Variants in ME1 observed in about 807,000 individuals in gnomAD.
ME1 encodes NADP-dependent malic enzyme.
Under a neutral mutation model 66.4 loss-of-function variants are expected in ME1, and 74 were observed. That is an observed-to-expected ratio of 1.11 (90% CI 0.92 to 1.35). ME1 has a LOEUF of 1.35. Ranked by LOEUF, ME1 falls within the 40% of genes most tolerant of loss-of-function variation. ME1 has a pLI of 0.00. For synonymous variants in ME1, 251 were observed against 235.6 expected, an observed-to-expected ratio of 1.07 and a Z score of -0.60; for missense variants, 750 against 694.1, an observed-to-expected ratio of 1.08 and a Z score of -0.90.
chr6:83,367,946 T>G (rs1769129311), intron 3 of ME1, among the ~76,000 whole-genome samples: 1 of 152,188 alleles, frequency 6.6e-6, no homozygotes, highest in Admixed American at 6.5e-5. Flanking sequence ...GCTTAATCAT[T>G]TCCAGATTTT....
chr6:83,390,873 T>C (rs1214858915), intron 3 of ME1, among the ~76,000 whole-genome samples: 1 of 138,696 alleles, frequency 7.2e-6, no homozygotes, highest in Non-Finnish European at 1.6e-5. Context: ...TCTCTCTCTA[T>C]ATATATACAT....
intron 6 of ME1, among the ~76,000 whole-genome samples, chr6:83,265,154 G>GATAT (rs745691807): frequency 2.6e-5 from 4 of 152,178 alleles, no homozygotes; most frequent in Admixed American, 1.3e-4. Flanking sequence ...AAAAGATTAT[G>GATAT]ACTCTCTGAA....
chr6:83,426,649 G>A (rs1770375370), intron 1 of ME1, among the ~76,000 whole-genome samples: 1 of 152,158 alleles, frequency 6.6e-6, no homozygotes, highest in Non-Finnish European at 1.5e-5. Flanking sequence ...ACTAGGTCTT[G>A]TCATGCCAGG....
At chr6:83,248,290 C>A (rs917901221) in intron 7 of ME1, among the ~76,000 whole-genome samples, 1 of 152,112 alleles carries the variant, frequency 6.6e-6, no homozygotes, top group Non-Finnish European at 1.5e-5. Context: ...TTACATCAGA[C>A]CCACAAAATC....
At chr6:83,308,356 G>T (rs943864530) in intron 6 of ME1, among the ~76,000 whole-genome samples, 1 of 151,374 alleles carries the variant, frequency 6.6e-6, no homozygotes, top group Non-Finnish European at 1.5e-5. Flanking sequence ...CTTACTTGAG[G>T]TAAAGCTTTT....
intron 3 of ME1, among the ~76,000 whole-genome samples, chr6:83,356,668 G>A (rs552840720): frequency 6.6e-6 from 1 of 152,258 alleles, no homozygotes; most frequent in Admixed American, 6.5e-5. Context: ...GGGAAAAAAT[G>A]TTAAGAAAGC....
intron 4 of ME1, among the ~76,000 whole-genome samples, chr6:83,349,285 G>A (rs1207343067): frequency 6.6e-6 from 1 of 152,058 alleles, no homozygotes; most frequent in African/African-American, 2.4e-5. Flanking sequence ...TGTCACTTAT[G>A]TAGTTTATCA....
intron 1 of ME1, among the ~76,000 whole-genome samples, chr6:83,426,927 T>C (rs1465629254): frequency 2.6e-5 from 4 of 152,138 alleles, no homozygotes; most frequent in Non-Finnish European, 5.9e-5. Flanking sequence ...CAAAGGGAAA[T>C]AAACTAATTG....
Position 83,298,944 on chromosome 6 carries a change from T to G in ME1, c.704+16366A>C, listed in dbSNP as rs1458070135. 1.8e-3 allele frequency among the ~76,000 whole-genome samples: 140 copies of G among 76,876 alleles called. 1 individual carries two copies. The highest frequency in any genetic ancestry group is 5.5e-3 in the African/African-American group (131 of 23,814). 50.4% of individuals were successfully genotyped at this position (76,876 alleles called of 152,430 possible). A position where few individuals can be genotyped will look rare whatever the true frequency, so the allele number is the denominator to read the frequency against. The stretch of plus-strand genomic sequence containing the variant: ...GTCTATGTGTCTGTTTTTTTTTTTT[T>G]TTTTTTTTTTTTTTTTTTTTTTTTT... On this transcript the variant is annotated intron_variant, in intron 6 of 13. Transcript: ENST00000369705.
chr6:83,329,864 A>G (rs78597796), intron 5 of ME1, among the ~76,000 whole-genome samples: 46 of 152,218 alleles, frequency 3.0e-4, no homozygotes, highest in African/African-American at 9.9e-4. Context: ...TCTGTTGTCT[A>G]TCCTGGAGTG....
intron 3 of ME1, among the ~76,000 whole-genome samples, chr6:83,365,919 C>T (rs1393070593): frequency 1.3e-5 from 2 of 152,114 alleles, no homozygotes; most frequent in East Asian, 3.9e-4. Flanking sequence ...TCTGGCTACT[C>T]CTCAGTCTTC....
chr6:83,329,901 T>C (rs1488010627), intron 5 of ME1, among the ~76,000 whole-genome samples: 2 of 152,178 alleles, frequency 1.3e-5, no homozygotes, highest in East Asian at 3.8e-4. Flanking sequence ...GACAGCTCAC[T>C]ATAGCCTCGA....
At chr6:83,356,904 A>G (rs938648385) in intron 3 of ME1, among the ~76,000 whole-genome samples, 1 of 152,204 alleles carries the variant, frequency 6.6e-6, no homozygotes, top group African/African-American at 2.4e-5. Flanking sequence ...CTCAGACATC[A>G]TTCACATTTC....
intron 5 of ME1, 151 bp downstream of exon 5, chr6:83,346,022 T>A (rs945364611): frequency 1.1e-5 from 6 of 538,100 alleles, no homozygotes; most frequent in Non-Finnish European, 1.5e-5. Flanking sequence ...GAGAAGTAAT[T>A]TTCTTACAAC....
intron 2 of ME1, among the ~76,000 whole-genome samples, chr6:83,403,964 T>A (rs1749534037): frequency 6.6e-6 from 1 of 152,210 alleles, no homozygotes; most frequent in African/African-American, 2.4e-5. Flanking sequence ...GCAGTAAACA[T>A]ACGTGTGCAT....
chr6:83,326,690 C>T (rs1416789409), intron 5 of ME1, among the ~76,000 whole-genome samples: 1 of 152,152 alleles, frequency 6.6e-6, no homozygotes, highest in African/African-American at 2.4e-5. Flanking sequence ...GAGATATCAT[C>T]TCATGCCTTT....
chr6:83,312,934 T>G (rs1767958292), intron 6 of ME1, among the ~76,000 whole-genome samples: 1 of 152,132 alleles, frequency 6.6e-6, no homozygotes. Context: ...TTTTGTATTT[T>G]TTAGTAGAGA....
chr6:83,325,144 G>C (rs544537990), intron 5 of ME1, among the ~76,000 whole-genome samples: 1 of 152,184 alleles, frequency 6.6e-6, no homozygotes, highest in Admixed American at 6.5e-5. Flanking sequence ...TGCAGAAAAG[G>C]CCTTCAATAA....
At chr6:83,247,296 CTGTT>C (rs945988433) in intron 7 of ME1, among the ~76,000 whole-genome samples, 6 of 151,746 alleles carry the variant, frequency 4.0e-5, no homozygotes, top group African/African-American at 1.5e-4. Flanking sequence ...TTGCTGAATT[CTGTT>C]TGTCTTCAGA....
Sources: allele counts gnomAD v4.1 joint callset (sites outside exome capture counted in the v4.1 genomes callset), GRCh38; gene constraint gnomAD v4.1.1; transcripts MANE v1.5; gene names NCBI Gene and HGNC (gene_info 2026-07-23, HGNC 2026-07-21).